TRIP11: variants seen among roughly 807,000 people sequenced by gnomAD.
TRIP11 encodes thyroid hormone receptor interactor 11.
TRIP11 carries 148 observed loss-of-function variants against 223.1 expected under a neutral mutation model. The observed-to-expected ratio is 0.66, with a 90% CI of 0.58 to 0.76. The LOEUF is 0.76. Among genes scored for constraint, TRIP11 ranks in the 30% least tolerant of loss-of-function variants. The pLI is 0.00. For missense variants in TRIP11, 2,043 were observed against 2,222.0 expected, an observed-to-expected ratio of 0.92 and a Z score of 1.62; for synonymous variants, 762 against 772.6, an observed-to-expected ratio of 0.99 and a Z score of 0.23.
intron 1 of TRIP11, among the ~76,000 whole-genome samples, chr14:92,035,167 G>A (rs575251043): frequency 6.6e-6 from 1 of 151,472 alleles, no homozygotes; most frequent in Non-Finnish European, 1.5e-5. Flanking sequence ...AAAAAAACTG[G>A]CCAGTCATGG....
chr14:92,002,216 C>T (rs1417473347), intron 11 of TRIP11, among the ~76,000 whole-genome samples: 1 of 151,644 alleles, frequency 6.6e-6, no homozygotes. Flanking sequence ...GTATAGTATA[C>T]AGTGTAACAG....
chr14:92,006,043 T>C lies in TRIP11; in HGVS notation c.1933A>G (p.Lys645Glu). 1.9e-6 allele frequency: 3 copies of C among 1,582,964 alleles called. No individual in the cohort carries two copies. The highest frequency in any genetic ancestry group is 1.7e-4 in the Middle Eastern group (1 of 5,874). ...TTTCTAACTTCAGCTTCTCTTTCTT[T>C]AAGTAAGGTATCCTTAAAATTACTA... ...SNSNFKDTLL[K>E]EREAEVRNLK... The change falls in exon 11 of 21, where the codon AAA becomes GAA. Residue 645 changes from lysine to glutamate, a missense_variant. Lys to Glu is a moderately conservative substitution (Grantham distance 56). Transcript: ENST00000267622.
intron 17 of TRIP11, among the ~76,000 whole-genome samples, chr14:91,975,650 G>C (rs1435862803): frequency 6.6e-6 from 1 of 151,804 alleles, no homozygotes; most frequent in African/African-American, 2.4e-5. Flanking sequence ...TGTGTTTAAT[G>C]TTATGCTTAT....
chr14:92,026,783 G>A, intron 2 of TRIP11: 2 of 1,235,634 alleles, frequency 1.6e-6, no homozygotes, highest in Non-Finnish European at 1.2e-6. Context: ...GAAGGATGGA[G>A]ATGAAGATGA....
At chr14:91,984,475 C>T (rs1044678759) in intron 16 of TRIP11, among the ~76,000 whole-genome samples, 2 of 151,926 alleles carry the variant, frequency 1.3e-5, no homozygotes, top group African/African-American at 4.8e-5. Context: ...GCCACCATGC[C>T]TGGCTAATTT....
Sources: gnomAD v4.1 joint callset for allele counts (sites outside exome capture counted in the v4.1 genomes callset) on GRCh38, gnomAD v4.1.1 for gene constraint, MANE v1.5 for transcripts, NCBI Gene and HGNC (gene_info 2026-07-23, HGNC 2026-07-21) for gene names.